The following DST variants were observed in gnomAD, a reference collection of about 807,000 sequenced individuals.
DST encodes the protein bullous pemphigoid antigen.
Under a neutral mutation model 875.2 loss-of-function variants are expected in DST, and 253 were observed. The ratio of observed to expected loss-of-function variants is 0.29; its 90% CI spans 0.26 to 0.32. The LOEUF (loss-of-function observed/expected upper bound fraction) is 0.32, where lower values mean the gene tolerates loss of function less well. Ranked by LOEUF, DST falls within the 10% of genes least tolerant of loss-of-function variation. The probability of loss-of-function intolerance (pLI) is 1.00; values close to 1 mark genes in which losing one functional copy is unlikely to be tolerated. For synonymous variants in DST, 3,124 were observed against 3,197.1 expected (o/e 0.98, Z 0.77); for missense variants, 8,287 against 9,111.6 (o/e 0.91, Z 3.68).
At position 56,552,642 on chromosome 6, in the gene DST, T is replaced by C; in HGVS notation, c.16150A>G (p.Ile5384Val). ...CGAATGGTATTCTGGAAATGCCCAA[T>C]GCCCTGAAGCTTGGTTTCTAAGAAA... ...CSFLETKLQG[I>V]GHFQNTIREM... Residue 5384 changes from isoleucine (I) to valine (V), a missense_variant, in exon 61 of 104, where the codon ATT becomes GTT. Ile to Val is a conservative substitution (Grantham distance 29, BLOSUM62 3). Coordinates refer to ENST00000680361, the MANE Select transcript of DST (RefSeq NM_001374736.1). 1 of 1,613,968 alleles carries C rather than the reference T, an allele frequency of 6.2e-7. No homozygotes were observed. Among genetic ancestry groups the C allele is most frequent in the Non-Finnish European group, 8.5e-7 (1 of 1,179,884 alleles).
At chr6:56,799,955 A>G (rs1159074565) in intron 4 of DST, among the ~76,000 whole-genome samples, 7 of 152,200 alleles carry the variant, frequency 4.6e-5, no homozygotes, top group Non-Finnish European at 8.8e-5. Flanking sequence ...AGGTGTATAC[A>G]TTATTCTTTT....
intron 49 of DST, among the ~76,000 whole-genome samples, chr6:56,582,827 T>C (rs983696852): frequency 6.6e-6 from 1 of 152,040 alleles, no homozygotes; most frequent in African/African-American, 2.4e-5. Flanking sequence ...TTCCCACCTA[T>C]GAGTGAGAAC....
intron 77 of DST, among the ~76,000 whole-genome samples, chr6:56,504,890 G>A (rs899575637): frequency 6.6e-6 from 1 of 151,946 alleles, no homozygotes; most frequent in African/African-American, 2.4e-5. Flanking sequence ...ATTGTAGATG[G>A]GGTACTTCAG....
At chr6:56,520,731 A>G (rs1009765439) in intron 69 of DST, among the ~76,000 whole-genome samples, 1 of 151,928 alleles carries the variant, frequency 6.6e-6, no homozygotes, top group East Asian at 1.9e-4. Flanking sequence ...AAAATATATT[A>G]AATAAAAAAA....
intron 3 of DST, among the ~76,000 whole-genome samples, chr6:56,885,130 T>C (rs1200517455): frequency 6.6e-6 from 1 of 152,138 alleles, no homozygotes; most frequent in African/African-American, 2.4e-5. Context: ...ACCTGGCCAA[T>C]GGACTCACAT....
In DST at chr6:56,527,648, T is replaced by C; in HGVS notation, c.17767A>G (p.Lys5923Glu). The C allele has an allele frequency of 2.5e-6, 4 of 1,613,820 alleles. No homozygotes were observed. Among genetic ancestry groups the C allele is most frequent in the Non-Finnish European group, 3.4e-6 (4 of 1,179,838 alleles). The change falls in exon 68 of 104, where the codon AAG (lysine) becomes GAG (glutamate). Residue 5923 changes from lysine to glutamate, a missense_variant. Physicochemically the swap from Lys to Glu is moderately conservative, Grantham distance 56. Transcript: ENST00000680361. ...DITKLSTDVAKTLEQALQLAR... is the reference protein window; with the variant it reads ...DITKLSTDVAETLEQALQLAR... ...AGCTGCAGCGCCTGTTCCAGAGTCT[T>C]GGCCACATCAGTGCTCAGTTTAGTA...
At chr6:56,761,010 T>C (rs890472161) in intron 4 of DST, among the ~76,000 whole-genome samples, 4 of 151,980 alleles carry the variant, frequency 2.6e-5, no homozygotes, top group Admixed American at 2.6e-4. Flanking sequence ...AAAGTAACTG[T>C]GTTAGAGTTC....
chr6:56,484,653 A>T (rs1323930799), intron 88 of DST: 2 of 152,228 alleles, frequency 1.3e-5, no homozygotes, highest in African/African-American at 4.8e-5. Context: ...AAGTTGCTTT[A>T]TATCATTTGG....
intron 36 of DST, chr6:56,615,717 T>A (rs767923847): frequency 6.2e-7 from 1 of 1,614,168 alleles, no homozygotes; most frequent in Non-Finnish European, 8.5e-7. Flanking sequence ...ACATCTATAA[T>A]ACCTACTTGG....
rs2094174305 is a variant in DST, at chr6:56,458,611, T to C, written c.*394A>G. The C allele has an allele frequency of 6.4e-6, 1 of 156,172 alleles. No homozygotes were observed. Among genetic ancestry groups the C allele is most frequent in the Non-Finnish European group, 1.4e-5 (1 of 70,616 alleles). The allele number at this position is 156,172 out of a possible 1,614,324, so 9.7% of individuals were successfully genotyped here. ...TCTCAAAAAATATCCCCTGCATGTATCATTCAGCTTCTCAGAGTTTCCATA... is the reference window on the plus strand; with the variant it reads ...TCTCAAAAAATATCCCCTGCATGTACCATTCAGCTTCTCAGAGTTTCCATA... On this transcript the variant is annotated 3_prime_UTR_variant, in exon 104 of 104. Coordinates refer to ENST00000680361, the MANE Select transcript of DST (RefSeq NM_001374736.1).
intron 4 of DST, among the ~76,000 whole-genome samples, chr6:56,796,088 G>A (rs530341482): frequency 5.3e-5 from 8 of 152,322 alleles, no homozygotes; most frequent in African/African-American, 1.7e-4. Flanking sequence ...GGGATACGGG[G>A]CAACCATACA....
intron 3 of DST, among the ~76,000 whole-genome samples, chr6:56,857,235 C>T (rs1008832178): frequency 3.9e-5 from 6 of 152,088 alleles, no homozygotes; most frequent in Non-Finnish European, 8.8e-5. Flanking sequence ...CCAGGCTGCT[C>T]GCAAACTCCT....
At position 56,606,303 on chromosome 6, in the gene DST, T is replaced by TCC; in HGVS notation, c.8323_8324dup (p.Gln2776AspfsTer11). The TCC allele has an allele frequency of 1.9e-6, 3 of 1,603,260 alleles. No individual in the cohort carries two copies. Among genetic ancestry groups the TCC allele is most frequent in the Non-Finnish European group, 2.6e-6 (3 of 1,174,170 alleles). On this transcript the variant is annotated frameshift_variant, in exon 40 of 104. Coordinates refer to ENST00000680361, the MANE Select transcript of DST (RefSeq NM_001374736.1). LOFTEE classifies it high-confidence loss of function. ...GATCAGTATCGGAGTGAAATTCCTG[T>TCC]CCAGTTACATACTCTTCCTTTCTTC...
At position 56,511,267 on chromosome 6, in the gene DST, T is replaced by G; in HGVS notation, c.18710A>C (p.Tyr6237Ser). Reference protein sequence around the residue: ...QEKYVAADTLYSQIKEDVKKR... With the variant: ...QEKYVAADTLSSQIKEDVKKR... ...TTTGACATCTTCTTTAATTTGACTG[T>G]AAAGGGTGTCGGCTGCCACATACTT... The change falls in exon 73 of 104, where the codon TAC becomes TCC. Residue 6237 changes from tyrosine (Y) to serine (S), a missense_variant. Around this residue, in one of 10 missense-constraint regions of DST, gnomAD observed 1,292 missense variants for 1,552.7 expected, o/e 0.83. Transcript: ENST00000680361. The G allele has an allele frequency of 6.2e-7, 1 of 1,600,136 alleles. No individual in the cohort carries two copies. The highest frequency in any genetic ancestry group is 8.5e-7 in the Non-Finnish European group (1 of 1,172,522).
intron 75 of DST, 99 bp from the exon 76 acceptor site, chr6:56,506,888 G>T: frequency 1.6e-6 from 2 of 1,250,400 alleles, no homozygotes; most frequent in Non-Finnish European, 2.1e-6. Context: ...TCTAGAAGGT[G>T]GCATTCTAAT....
chr6:56,598,731 A>C (rs778516009), intron 45 of DST, 22 bp from the exon 46 acceptor site: 53 of 1,406,500 alleles, frequency 3.8e-5, no homozygotes, highest in Non-Finnish European at 4.9e-5. Flanking sequence ...AAAGGAAAAA[A>C]TATATTTTAT....
At chr6:56,856,930 A>C (rs55668375) in intron 3 of DST, among the ~76,000 whole-genome samples, 1 of 152,186 alleles carries the variant, frequency 6.6e-6, no homozygotes, top group Non-Finnish European at 1.5e-5. Context: ...TAGGCTAACA[A>C]TAAGTATTCA....
At chr6:56,857,513 G>A (rs1768547826) in intron 3 of DST, among the ~76,000 whole-genome samples, 2 of 152,162 alleles carry the variant, frequency 1.3e-5, no homozygotes, top group African/African-American at 4.8e-5. Context: ...AAGATGACCT[G>A]CTTGCCTTAG....
At chr6:56,796,773 A>G (rs1407163876) in intron 4 of DST, among the ~76,000 whole-genome samples, 1 of 152,058 alleles carries the variant, frequency 6.6e-6, no homozygotes, top group African/African-American at 2.4e-5. Context: ...CGTAACAAGG[A>G]AGGAGGGAGA....
Sources: allele counts gnomAD v4.1 joint callset (sites outside exome capture counted in the v4.1 genomes callset), GRCh38; gene constraint gnomAD v4.1.1; regional missense constraint gnomAD v4.1.1; transcripts MANE v1.5; gene names NCBI Gene and HGNC (gene_info 2026-07-23, HGNC 2026-07-21).